The following LRRC37A2 variants were observed in gnomAD, a reference collection of about 807,000 sequenced individuals.
The protein encoded by LRRC37A2 is leucine-rich repeat-containing protein 37A2.
Under a neutral mutation model 68.8 loss-of-function variants are expected in LRRC37A2, and 9 were observed. That is an observed-to-expected ratio of 0.13 (90% CI 0.08 to 0.23). The LOEUF is 0.23. Among genes scored for constraint, LRRC37A2 ranks in the 10% least tolerant of loss-of-function variants. LRRC37A2 has a pLI of 1.00. For synonymous variants in LRRC37A2, 63 were observed against 367.6 expected (o/e 0.17, Z 9.48); for missense variants, 168 against 950.4 (o/e 0.18, Z 10.82).
the LRRC37A2 span, among the ~76,000 whole-genome samples, chr17:47,013,302 C>T: frequency 2.6e-5 from 4 of 152,120 alleles, no homozygotes; most frequent in African/African-American, 9.7e-5. Context: ...TGCAAATATA[C>T]TAAAAACCAT....
chr17:46,765,634 C>T, the LRRC37A2 span, among the ~76,000 whole-genome samples: 1 of 152,270 alleles, frequency 6.6e-6, no homozygotes, highest in African/African-American at 2.4e-5. Flanking sequence ...GTGCATCCCG[C>T]AGGCTCCCGT....
At chr17:46,939,088 C>T in the LRRC37A2 span, 140 of 1,214,252 alleles carry the variant, frequency 1.2e-4, 1 homozygote, top group African/African-American at 1.6e-3. Flanking sequence ...GGGAAGGTGT[C>T]CACAGTGAGC....
chr17:46,915,354 C>T, the LRRC37A2 span, among the ~76,000 whole-genome samples: 1 of 152,176 alleles, frequency 6.6e-6, no homozygotes, highest in Admixed American at 6.5e-5. Flanking sequence ...ATGGCTGGGG[C>T]TCCCAGAGTA....
chr17:46,467,857 G>A, the LRRC37A2 span, among the ~76,000 whole-genome samples: 4 of 102,136 alleles, frequency 3.9e-5, no homozygotes, highest in African/African-American at 1.1e-4. Context: ...GCTCAACAGC[G>A]TCAGCTCTGT....
chr17:46,927,359 T>C, the LRRC37A2 span, among the ~76,000 whole-genome samples: 1 of 152,170 alleles, frequency 6.6e-6, no homozygotes, highest in Non-Finnish European at 1.5e-5. Flanking sequence ...TGTACAGAAG[T>C]TTTTTGTTTT....
chr17:46,978,550 C>G, the LRRC37A2 span: 8 of 1,448,218 alleles, frequency 5.5e-6, no homozygotes, highest in Non-Finnish European at 7.3e-6. Flanking sequence ...GCTGCCCGCC[C>G]GGAGGCGGCG....
the LRRC37A2 span, among the ~76,000 whole-genome samples, chr17:46,610,027 T>TTCTTTCTTTCTTTCTTTCTTTC: frequency 1.8e-5 from 2 of 109,466 alleles, no homozygotes; most frequent in African/African-American, 6.6e-5. Flanking sequence ...CTTTCTTTCT[T>TTCTTTCTTTCTTTCTTTCTTTC]TCTCTCTCTC....
chr17:46,851,776 A>G, the LRRC37A2 span: 3 of 886,472 alleles, frequency 3.4e-6, no homozygotes, highest in Non-Finnish European at 4.5e-6. This position sits in a 1 kb window ranked among gnomAD's most constrained non-coding sequence, Gnocchi z 4.3. Flanking sequence ...CTCCTGCGCT[A>G]CAGCTGGGCC....
At chr17:46,936,389 A>G in the LRRC37A2 span, 1 of 985,318 alleles carries the variant, frequency 1.0e-6, no homozygotes. Context: ...GCATCAGCAC[A>G]CCTCTTGCCA....
At chr17:47,012,281 A>G in the LRRC37A2 span, among the ~76,000 whole-genome samples, 1 of 152,124 alleles carries the variant, frequency 6.6e-6, no homozygotes, top group South Asian at 2.1e-4. Flanking sequence ...ACTATCATCT[A>G]TTTTGATGGT....
chr17:46,934,281 T>C, the LRRC37A2 span, among the ~76,000 whole-genome samples: 1 of 152,178 alleles, frequency 6.6e-6, no homozygotes, highest in South Asian at 2.1e-4. Context: ...TGTGGACAGA[T>C]TCCTTGAGCA....
chr17:47,039,032 T>C, the LRRC37A2 span, among the ~76,000 whole-genome samples: 1 of 150,310 alleles, frequency 6.7e-6, no homozygotes, highest in East Asian at 2.0e-4. Context: ...ACATTAGTAC[T>C]CCTTATAGGG....
chr17:46,824,287 C>T, the LRRC37A2 span, among the ~76,000 whole-genome samples: 3 of 152,216 alleles, frequency 2.0e-5, no homozygotes, highest in Admixed American at 1.3e-4. Context: ...CTTGCTCTGT[C>T]GCTCAGGCTG....
the LRRC37A2 span, among the ~76,000 whole-genome samples, chr17:46,752,683 C>G: frequency 6.6e-5 from 10 of 152,258 alleles, no homozygotes; most frequent in Admixed American, 3.9e-4. Flanking sequence ...CTTGAACTCC[C>G]GAGCTCAAGT....
the LRRC37A2 span, among the ~76,000 whole-genome samples, chr17:47,003,982 G>C: frequency 6.6e-6 from 1 of 151,980 alleles, no homozygotes; most frequent in Non-Finnish European, 1.5e-5. Flanking sequence ...TTGGTTTTTT[G>C]TTCTTACGAT....
At chr17:46,889,134 A>G in the LRRC37A2 span, among the ~76,000 whole-genome samples, 1 of 152,122 alleles carries the variant, frequency 6.6e-6, no homozygotes, top group African/African-American at 2.4e-5. Flanking sequence ...CTTTATTCGT[A>G]TCCTAGACTT....
the LRRC37A2 span, chr17:46,876,348 G>A: frequency 6.2e-7 from 1 of 1,614,142 alleles, no homozygotes; most frequent in Non-Finnish European, 8.5e-7. Context: ...CGTGAGACGG[G>A]CCAGGTGCTG....
At chr17:46,485,993 A>C in the LRRC37A2 span, among the ~76,000 whole-genome samples, 2 of 79,552 alleles carry the variant, frequency 2.5e-5, no homozygotes, top group African/African-American at 3.8e-5. Context: ...AAAAAAAAAA[A>C]AAAACAGAAA....
At chr17:46,870,334 C>T in the LRRC37A2 span, among the ~76,000 whole-genome samples, 2 of 152,234 alleles carry the variant, frequency 1.3e-5, no homozygotes, top group Admixed American at 6.5e-5. Context: ...GTGGCCTCCT[C>T]AGCTGGAGTT....
Sources: gnomAD v4.1 joint callset for allele counts (sites outside exome capture counted in the v4.1 genomes callset) on GRCh38, gnomAD v4.1.1 for gene constraint, Gnocchi (gnomAD v3.1) non-coding constraint, MANE v1.5 for transcripts, NCBI Gene and HGNC (gene_info 2026-07-23, HGNC 2026-07-21) for gene names.